Variants in VPS53 observed in about 807,000 individuals in gnomAD.
The protein encoded by VPS53 is vacuolar protein sorting-associated protein 53 homolog.
A neutral mutation model predicts 107.0 loss-of-function variants in VPS53; 70 were observed. The ratio of observed to expected loss-of-function variants is 0.65; its 90% CI spans 0.54 to 0.80. The LOEUF is 0.80. Among genes scored for constraint, VPS53 ranks in the 30% least tolerant of loss-of-function variants. VPS53 has a pLI of 0.00. For missense variants in VPS53, 917 were observed against 1,049.4 expected, an observed-to-expected ratio of 0.87 and a Z score of 1.74; for synonymous variants, 409 against 393.3, an observed-to-expected ratio of 1.04 and a Z score of -0.47.
chr17:570,979 G>A (rs1380491857), intron 13 of VPS53, among the ~76,000 whole-genome samples: 3 of 152,116 alleles, frequency 2.0e-5, no homozygotes, highest in Admixed American at 2.0e-4. Context: ...AAGTATTAAG[G>A]AGTAGTGGCG....
intron 11 of VPS53, among the ~76,000 whole-genome samples, chr17:622,770 A>G (rs1268542345): frequency 6.6e-6 from 1 of 151,768 alleles, no homozygotes; most frequent in Non-Finnish European, 1.5e-5. Flanking sequence ...CACTCATCAT[A>G]GCTCACTGCA....
intron 11 of VPS53, among the ~76,000 whole-genome samples, chr17:619,453 C>T (rs1222016454): frequency 1.4e-5 from 2 of 144,616 alleles, no homozygotes; most frequent in African/African-American, 5.2e-5. Flanking sequence ...TTCCGGGTAG[C>T]TGGGACTACA....
intron 13 of VPS53, among the ~76,000 whole-genome samples, chr17:583,551 T>C (rs1410543783): frequency 6.6e-6 from 1 of 150,490 alleles, no homozygotes; most frequent in Non-Finnish European, 1.5e-5. Context: ...ACCTAATGCG[T>C]TCCCAGGGAA....
Position 562,544 on chromosome 17 carries a change from G to T in VPS53, c.1515C>A (p.Leu505=). ...IALTTIFQKY[L]REYAWKILSG... ...AGAGGATTTTCCAGGCGTATTCTCG[G>T]AGGTACTTCTGGAAAATGGTGGTCA... Residue 505 remains leucine (L), a synonymous_variant, in exon 14 of 22, where the codon CTC becomes CTA. Transcript: ENST00000437048. The T allele has an allele frequency of 6.2e-7, 1 of 1,614,070 alleles. No homozygotes were observed. The highest frequency in any genetic ancestry group is 8.5e-7 in the Non-Finnish European group (1 of 1,180,012).
intron 13 of VPS53, among the ~76,000 whole-genome samples, chr17:578,153 A>G (rs1337663307): frequency 6.9e-6 from 1 of 144,324 alleles, no homozygotes; most frequent in South Asian, 2.2e-4. Flanking sequence ...TCCCAGAGAA[A>G]TTCCCTCAGA....
intron 7 of VPS53, among the ~76,000 whole-genome samples, chr17:652,442 T>C (rs1427700513): frequency 1.3e-5 from 2 of 152,222 alleles, no homozygotes; most frequent in African/African-American, 2.4e-5. Flanking sequence ...CTTGTGACTA[T>C]GGCAGAAGTG....
At chr17:531,131 C>T (rs1160474776) in intron 19 of VPS53, among the ~76,000 whole-genome samples, 1 of 152,246 alleles carries the variant, frequency 6.6e-6, no homozygotes, top group Non-Finnish European at 1.5e-5. Flanking sequence ...AACACGCCTG[C>T]AGCTACATGG....
At chr17:564,541 GAAAAA>G (rs34603655) in intron 13 of VPS53, among the ~76,000 whole-genome samples, 1 of 97,016 alleles carries the variant, frequency 1.0e-5, no homozygotes, top group Non-Finnish European at 2.0e-5. Context: ...CTCTGTCTCA[GAAAAA>G]AAAAAAAAAA....
At chr17:678,788 G>A (rs954854535) in intron 4 of VPS53, among the ~76,000 whole-genome samples, 1 of 152,028 alleles carries the variant, frequency 6.6e-6, no homozygotes, top group Non-Finnish European at 1.5e-5. Flanking sequence ...ACAGGCGCCC[G>A]CCATCACGCC....
At chr17:568,145 C>G (rs1913710898) in intron 13 of VPS53, among the ~76,000 whole-genome samples, 2 of 152,172 alleles carry the variant, frequency 1.3e-5, no homozygotes, top group African/African-American at 2.4e-5. Context: ...ATTGGAATGT[C>G]AAGCAGTGAG....
chr17:525,700 A>G (rs1909076284), intron 19 of VPS53, among the ~76,000 whole-genome samples: 1 of 151,712 alleles, frequency 6.6e-6, no homozygotes, highest in Non-Finnish European at 1.5e-5. Flanking sequence ...TCTCTTAAGA[A>G]AAGAAAAAAA....
intron 7 of VPS53, among the ~76,000 whole-genome samples, chr17:634,174 A>C (rs1970087999): frequency 6.6e-6 from 1 of 151,096 alleles, no homozygotes; most frequent in Non-Finnish European, 1.5e-5. Flanking sequence ...GTGACTCTGG[A>C]ACTGAGGTGG....
chr17:588,267 G>A (rs993667674), intron 12 of VPS53, among the ~76,000 whole-genome samples: 2 of 152,098 alleles, frequency 1.3e-5, no homozygotes, highest in Non-Finnish European at 2.9e-5. Context: ...GCAGTGAGCC[G>A]AGATTGCACC....
chr17:647,081 C>G lies in VPS53; in HGVS notation c.608+6210G>C, dbSNP rs1307136892. 9.2e-5 allele frequency among the ~76,000 whole-genome samples: 14 copies of G among 152,358 alleles called. No homozygotes were observed. The East Asian group carries it at 2.7e-3, about 29-fold the overall frequency. ...CCTGACCCGATCTACCTATGCAGCC[C>G]TGTCTCCCTCTGCTGCCTCCAAACT... On this transcript the variant is annotated intron_variant, in intron 7 of 21. Transcript: ENST00000437048.
At chr17:587,465 T>C (rs148354614) in intron 12 of VPS53, among the ~76,000 whole-genome samples, 9 of 152,224 alleles carry the variant, frequency 5.9e-5, no homozygotes, top group African/African-American at 1.9e-4. Context: ...ATCAGATAGA[T>C]AGAGAGAGAG....
At chr17:707,417 G>A (rs1973448390) in intron 2 of VPS53, among the ~76,000 whole-genome samples, 1 of 151,470 alleles carries the variant, frequency 6.6e-6, no homozygotes, top group Non-Finnish European at 1.5e-5. Flanking sequence ...CTGCTCAGGA[G>A]GCTGACACAG....
At chr17:705,346 G>C (rs575319665) in intron 2 of VPS53, among the ~76,000 whole-genome samples, 219 of 151,900 alleles carry the variant, frequency 1.4e-3, no homozygotes, top group African/African-American at 4.0e-3. Flanking sequence ...CCCAGCACTC[G>C]GAGAGGCTGA....
chr17:645,455 T>C (rs1970647353), intron 7 of VPS53, among the ~76,000 whole-genome samples: 1 of 152,224 alleles, frequency 6.6e-6, no homozygotes, highest in Non-Finnish European at 1.5e-5. Flanking sequence ...TTCTGTGCAT[T>C]GCCATTTTAC....
At chr17:597,833 G>C (rs1968049755) in intron 12 of VPS53, among the ~76,000 whole-genome samples, 1 of 151,348 alleles carries the variant, frequency 6.6e-6, no homozygotes, top group South Asian at 2.1e-4. Context: ...GCCTCCCAAA[G>C]TGCTGGGATT....
Sources: gnomAD v4.1 joint callset for allele counts (sites outside exome capture counted in the v4.1 genomes callset) on GRCh38, gnomAD v4.1.1 for gene constraint, MANE v1.5 for transcripts, NCBI Gene and HGNC (gene_info 2026-07-23, HGNC 2026-07-21) for gene names.